The following ZSWIM4 variants were observed in gnomAD, a reference collection of about 807,000 sequenced individuals.
ZSWIM4 encodes the protein zinc finger SWIM domain-containing protein 4.
Under a neutral mutation model 102.5 loss-of-function variants are expected in ZSWIM4, and 62 were observed. The observed-to-expected ratio is 0.60, with a 90% CI of 0.49 to 0.75. The LOEUF (loss-of-function observed/expected upper bound fraction) is 0.75, where lower values mean the gene tolerates loss of function less well. Ranked by LOEUF, ZSWIM4 falls within the 30% of genes least tolerant of loss-of-function variation. The probability of loss-of-function intolerance (pLI) is 0.00; values close to 1 mark genes in which losing one functional copy is unlikely to be tolerated. For missense variants in ZSWIM4, 1,280 were observed against 1,529.6 expected (o/e 0.84, Z 2.72); for synonymous variants, 652 against 674.5 (o/e 0.97, Z 0.52).
chr19:13,826,783 T>A (rs1304509220), intron 12 of ZSWIM4, among the ~76,000 whole-genome samples: 1 of 150,794 alleles, frequency 6.6e-6, no homozygotes, highest in Non-Finnish European at 1.5e-5. Context: ...AAAAAAAAAG[T>A]CCTGTATGCA....
At chr19:13,819,154 G>A (rs1489242563) in intron 9 of ZSWIM4, among the ~76,000 whole-genome samples, 6 of 152,120 alleles carry the variant, frequency 3.9e-5, no homozygotes, top group Admixed American at 1.3e-4. Flanking sequence ...GTGAGCCACC[G>A]CGCCAGGCCT....
intron 12 of ZSWIM4, among the ~76,000 whole-genome samples, chr19:13,828,389 C>T (rs1975668198): frequency 6.6e-6 from 1 of 151,688 alleles, no homozygotes; most frequent in Non-Finnish European, 1.5e-5. Flanking sequence ...TTCTGGGTGA[C>T]AGAGCAAGAT....
In ZSWIM4 at chr19:13,828,651, C is replaced by A; in HGVS notation, c.2386C>A (p.Arg796=). The change falls in exon 13 of 14, where the codon CGG becomes AGG. Residue 796 remains arginine (R), a synonymous_variant. Transcript: ENST00000590508. ...IALELGLQVM[R]MTLNVMTWRR... is the part of the protein sequence containing the mutation. Reference sequence around the variant, plus strand: ...CCCCACCCCTACCTTGCAGGTGATGCGGATGACTCTGAACGTAATGACCTG... The same window carrying A: ...CCCCACCCCTACCTTGCAGGTGATGAGGATGACTCTGAACGTAATGACCTG... 1 of 1,613,958 alleles carries A rather than the reference C, an allele frequency of 6.2e-7. No homozygotes were observed. The highest frequency in any genetic ancestry group is 1.3e-5 in the African/African-American group (1 of 75,012).
intron 12 of ZSWIM4, among the ~76,000 whole-genome samples, chr19:13,826,638 G>A (rs564180761): frequency 2.6e-4 from 40 of 152,208 alleles, no homozygotes; most frequent in African/African-American, 8.7e-4. Context: ...GGTGGCACGC[G>A]CCTGTAATCC....
intron 10 of ZSWIM4, among the ~76,000 whole-genome samples, chr19:13,822,715 C>A (rs1374733510): frequency 2.0e-5 from 3 of 152,140 alleles, no homozygotes; most frequent in African/African-American, 7.2e-5. Flanking sequence ...AGCCATGGTT[C>A]ACGCCTATAA....
chr19:13,830,388 T>C lies in ZSWIM4; in HGVS notation c.2659T>C (p.Cys887Arg). The change falls in exon 14 of 14, where the codon TGC becomes CGC. Residue 887 changes from cysteine to arginine, a missense_variant. By Grantham distance (180) the Cys-to-Arg change is radical (BLOSUM62 -3). Coordinates refer to ENST00000590508, the MANE Select transcript of ZSWIM4 (RefSeq NM_001367834.3). ...LQCAMKDPQNCALPALTLCEK... is the reference protein window; with the variant it reads ...LQCAMKDPQNRALPALTLCEK... ...GTGCGCGATGAAGGACCCTCAGAAC[T>C]GCGCCTTGCCTGCCCTGACCCTGTG... is the stretch of plus-strand genomic sequence containing the variant. 1.2e-6 allele frequency: 2 copies of C among 1,612,710 alleles called. No individual in the cohort carries two copies. The highest frequency in any genetic ancestry group is 1.7e-6 in the Non-Finnish European group (2 of 1,179,976).
At position 13,799,804 on chromosome 19, in the gene ZSWIM4, T is replaced by C. The variant is rs145997771; in HGVS notation, c.238T>C (p.Cys80Arg). The change falls in exon 2 of 14, where the codon TGT (cysteine) becomes CGT (arginine). Residue 80 changes from cysteine to arginine, a missense_variant. By Grantham distance (180) the Cys-to-Arg change is radical (BLOSUM62 -3). Transcript: ENST00000590508. ...GTTTCCACGCAGTGAACGGGAAATA[T>C]GTATGTACTCGTCGCTGGGTTACCC... Reference protein sequence around the residue: ...WSFPRSEREICMYSSLGYPPP... With the variant: ...WSFPRSEREIRMYSSLGYPPP... 25 of 1,613,874 alleles carry C rather than the reference T, an allele frequency of 1.5e-5. No individual in the cohort carries two copies. In the African/African-American group the frequency reaches 2.8e-4, roughly 18 times the overall value.
chr19:13,826,868 G>T (rs1975625254), intron 12 of ZSWIM4, among the ~76,000 whole-genome samples: 1 of 152,114 alleles, frequency 6.6e-6, no homozygotes, highest in African/African-American at 2.4e-5. Flanking sequence ...AATCTTGGGT[G>T]CAGCTTGCTG....
At position 13,831,076 on chromosome 19, in the gene ZSWIM4, G is replaced by A; in HGVS notation, c.*26G>A. Reference sequence around the variant, plus strand: ...GGGACAGTGGGGTGCGTGGGAGTGGGGATCCCCCTCGCCCCTGCGTCCCCC... The same window carrying A: ...GGGACAGTGGGGTGCGTGGGAGTGGAGATCCCCCTCGCCCCTGCGTCCCCC... On this transcript the variant is annotated 3_prime_UTR_variant, in exon 14 of 14. Coordinates refer to ENST00000590508, the MANE Select transcript of ZSWIM4 (RefSeq NM_001367834.3). The A allele has an allele frequency of 6.5e-7, 1 of 1,540,772 alleles. No individual in the cohort carries two copies.
intron 10 of ZSWIM4, 102 bp downstream of exon 10, chr19:13,819,594 C>T: frequency 1.4e-6 from 2 of 1,393,972 alleles, no homozygotes; most frequent in Non-Finnish European, 1.9e-6. Flanking sequence ...GAACTCACAG[C>T]CTAGTTAATT....
At chr19:13,827,249 C>CA (rs1448166502) in intron 12 of ZSWIM4, among the ~76,000 whole-genome samples, 1 of 151,630 alleles carries the variant, frequency 6.6e-6, no homozygotes, top group African/African-American at 2.4e-5. Context: ...ATGATCGCGC[C>CA]ACTGTACTCC....
At position 13,824,501 on chromosome 19, in the gene ZSWIM4, G is replaced by T. The variant is rs143385274; in HGVS notation, c.2215+1001G>T. Among the ~76,000 whole-genome samples the T allele has an allele frequency of 1.6e-4, 25 of 152,106 alleles. No individual in the cohort carries two copies. In the East Asian group the frequency reaches 4.7e-3, roughly 28 times the overall value. On this transcript the variant is annotated intron_variant, in intron 11 of 13. Coordinates refer to ENST00000590508, the MANE Select transcript of ZSWIM4 (RefSeq NM_001367834.3). ...AATCCCAGCGATTTGGGAGGCCGAG[G>T]CCGGGGGATCACCTGAGGTCAGGAG...
chr19:13,800,224 C>G (rs1228011723), intron 2 of ZSWIM4, among the ~76,000 whole-genome samples: 1 of 143,446 alleles, frequency 7.0e-6, no homozygotes, highest in Non-Finnish European at 1.5e-5. Flanking sequence ...GCCACCGCGC[C>G]CAGCTAATTT....
chr19:13,797,821 T>A (rs1974651947), intron 1 of ZSWIM4, among the ~76,000 whole-genome samples: 2 of 151,922 alleles, frequency 1.3e-5, no homozygotes, highest in Non-Finnish European at 2.9e-5. Flanking sequence ...CCCAGCTAAT[T>A]TTTGTATATT....
chr19:13,806,336 C>T (rs140538315), intron 3 of ZSWIM4, among the ~76,000 whole-genome samples: 8 of 151,852 alleles, frequency 5.3e-5, no homozygotes, highest in African/African-American at 1.9e-4. Flanking sequence ...AGCCACCACA[C>T]CCAGCCTGGA....
intron 13 of ZSWIM4, among the ~76,000 whole-genome samples, chr19:13,829,175 G>T (rs1350208028): frequency 6.6e-6 from 1 of 150,668 alleles, no homozygotes; most frequent in Non-Finnish European, 1.5e-5. Context: ...GTCCTATCCG[G>T]AGGGCTGAGG....
intron 2 of ZSWIM4, among the ~76,000 whole-genome samples, chr19:13,801,686 TTC>T (rs1396442496): frequency 1.1e-3 from 137 of 123,520 alleles, no homozygotes; most frequent in African/African-American, 3.5e-3. Context: ...TTTTTTTTTT[TTC>T]CGAGATGGAG....
At chr19:13,800,256 T>C (rs1264681241) in intron 2 of ZSWIM4, among the ~76,000 whole-genome samples, 1 of 40,974 alleles carries the variant, frequency 2.4e-5, no homozygotes, top group Non-Finnish European at 4.3e-5. Context: ...TTTTTTTTTT[T>C]TTTTTTTTTT....
intron 12 of ZSWIM4, among the ~76,000 whole-genome samples, chr19:13,827,485 C>T (rs752109761): frequency 8.5e-4 from 125 of 146,244 alleles, no homozygotes; most frequent in Non-Finnish European, 3.6e-4. Context: ...CCCAGCTGCT[C>T]GGGAGGCTGA....
Sources: allele counts gnomAD v4.1 joint callset (sites outside exome capture counted in the v4.1 genomes callset), GRCh38; gene constraint gnomAD v4.1.1; transcripts MANE v1.5; gene names NCBI Gene and HGNC (gene_info 2026-07-23, HGNC 2026-07-21).